CNGB3: variants seen among roughly 807,000 people sequenced by gnomAD.
CNGB3 encodes cyclic nucleotide-gated channel beta-3.
Under a neutral mutation model 92.8 loss-of-function variants are expected in CNGB3, and 86 were observed. The observed-to-expected ratio is 0.93, with a 90% CI of 0.78 to 1.11. The LOEUF is 1.11. Ranked by LOEUF, CNGB3 falls within the 50% of genes least tolerant of loss-of-function variation. The probability of loss-of-function intolerance (pLI) is 0.00; values close to 1 mark genes in which losing one functional copy is unlikely to be tolerated. For synonymous variants in CNGB3, 333 were observed against 332.7 expected, an observed-to-expected ratio of 1.00 and a Z score of -0.01; for missense variants, 1,026 against 956.8, an observed-to-expected ratio of 1.07 and a Z score of -0.95.
intron 3 of CNGB3, among the ~76,000 whole-genome samples, chr8:86,698,515 C>G (rs1824491716): frequency 6.6e-6 from 1 of 152,200 alleles, no homozygotes; most frequent in African/African-American, 2.4e-5. Context: ...TCGCTAGCAC[C>G]TCTCCACATG....
intron 13 of CNGB3, among the ~76,000 whole-genome samples, chr8:86,616,112 C>T (rs1005083455): frequency 1.3e-5 from 2 of 152,162 alleles, no homozygotes; most frequent in African/African-American, 4.8e-5. Flanking sequence ...GGAATACACA[C>T]AAGCACTTAC....
intron 10 of CNGB3, 58 bp downstream of exon 10, chr8:86,643,693 C>T: frequency 1.3e-6 from 2 of 1,565,976 alleles, no homozygotes; most frequent in Non-Finnish European, 1.7e-6. Context: ...TAAATTCATA[C>T]AATGAAACAG....
chr8:86,674,570 A>G (rs916925158), intron 3 of CNGB3, among the ~76,000 whole-genome samples: 3 of 152,212 alleles, frequency 2.0e-5, no homozygotes, highest in Non-Finnish European at 4.4e-5. Flanking sequence ...AGAAACATAC[A>G]TCATGAGATA....
chr8:86,731,172 A>T (rs1358496945), intron 2 of CNGB3, among the ~76,000 whole-genome samples: 1 of 152,198 alleles, frequency 6.6e-6, no homozygotes, highest in Non-Finnish European at 1.5e-5. Flanking sequence ...CAAAACAAAC[A>T]CGCAAAACCC....
chr8:86,641,229 C>T (rs1406350284), intron 10 of CNGB3, among the ~76,000 whole-genome samples: 1 of 151,930 alleles, frequency 6.6e-6, no homozygotes, highest in African/African-American at 2.4e-5. Context: ...GGGGAGGAAC[C>T]CTCAATTCTG....
chr8:86,719,002 G>A (rs1310591368), intron 3 of CNGB3, among the ~76,000 whole-genome samples: 1 of 151,854 alleles, frequency 6.6e-6, no homozygotes, highest in Non-Finnish European at 1.5e-5. Context: ...AGAAAAACTG[G>A]CATAGAAGGT....
intron 3 of CNGB3, among the ~76,000 whole-genome samples, chr8:86,683,585 T>C (rs900924957): frequency 6.6e-6 from 1 of 152,172 alleles, no homozygotes; most frequent in African/African-American, 2.4e-5. Context: ...TTTTAAGGAA[T>C]TATATTTTCA....
chr8:86,675,084 G>A (rs1586009198), intron 3 of CNGB3, among the ~76,000 whole-genome samples: 1 of 151,850 alleles, frequency 6.6e-6, no homozygotes, highest in Non-Finnish European at 1.5e-5. Context: ...TCAGCCTCCC[G>A]AGTAGCTGGG....
intron 6 of CNGB3, chr8:86,661,047 G>A: frequency 4.3e-6 from 1 of 232,308 alleles, no homozygotes; most frequent in Admixed American, 5.2e-5. Flanking sequence ...GTTTTTTTGT[G>A]TTTTGTGTTT....
At position 86,575,866 on chromosome 8, in the gene CNGB3, G is replaced by T. The variant is rs778384043; in HGVS notation, c.2368C>A (p.Pro790Thr). The change falls in exon 18 of 18, where the codon CCT becomes ACT. Residue 790 changes from proline to threonine, a missense_variant. Physicochemically the swap from Pro to Thr is conservative, Grantham distance 38 (BLOSUM62 -1). Transcript: ENST00000320005. Reference protein sequence around the residue: ...SRQSLIISMAPSAEGGEEVLT... With the variant: ...SRQSLIISMATSAEGGEEVLT... ...ACCTCTTCTCCGCCCTCAGCAGAAG[G>T]AGCCATGCTGATAATGAGTGATTGA... 11 of 1,613,190 alleles carry T rather than the reference G, an allele frequency of 6.8e-6. No homozygotes were observed. The highest frequency in any genetic ancestry group is 8.5e-6 in the Non-Finnish European group (10 of 1,179,790).
At chr8:86,702,060 G>T (rs1239870008) in intron 3 of CNGB3, among the ~76,000 whole-genome samples, 1 of 152,028 alleles carries the variant, frequency 6.6e-6, no homozygotes, top group African/African-American at 2.4e-5. Flanking sequence ...TATTTTAATG[G>T]TTGTTAATAA....
intron 3 of CNGB3, among the ~76,000 whole-genome samples, chr8:86,719,034 G>A (rs1824915957): frequency 6.6e-6 from 1 of 151,716 alleles, no homozygotes; most frequent in Non-Finnish European, 1.5e-5. Context: ...GGTAATAAAA[G>A]CCATCTATGA....
At chr8:86,678,768 T>G (rs2131625747) in intron 3 of CNGB3, among the ~76,000 whole-genome samples, 1 of 152,292 alleles carries the variant, frequency 6.6e-6, no homozygotes, top group East Asian at 1.9e-4. Flanking sequence ...AAAAAAAATT[T>G]CATAGATTGT....
At chr8:86,734,974 A>C (rs377478414) in intron 2 of CNGB3, among the ~76,000 whole-genome samples, 44 of 151,550 alleles carry the variant, frequency 2.9e-4, no homozygotes, top group African/African-American at 9.9e-4. Context: ...AAATGCCTCA[A>C]CTAAAGAGTT....
chr8:86,647,801 C>A lies in CNGB3; in HGVS notation c.990G>T (p.Lys330Asn). 6.9e-7 allele frequency: 1 copy of A among 1,446,332 alleles called. No individual in the cohort carries two copies. Among genetic ancestry groups the A allele is most frequent in the East Asian group, 2.3e-5 (1 of 43,892 alleles). The allele number at this position is 1,446,332 out of a possible 1,614,324, so 89.6% of individuals were successfully genotyped here. A position where few individuals can be genotyped will look rare whatever the true frequency, so the allele number is the denominator to read the frequency against. Residue 330 changes from lysine (K) to asparagine (N), a missense_variant and splice_region_variant, in exon 8 of 18, where the codon AAG becomes AAT. Physicochemically the swap from Lys to Asn is moderately conservative, Grantham distance 94. Coordinates refer to ENST00000320005, the MANE Select transcript of CNGB3 (RefSeq NM_019098.5). Reference protein sequence around the residue: ...NPMFRANRMLKYTSFFEFNHH... With the variant: ...NPMFRANRMLNYTSFFEFNHH... ...AGACAATTAAATATAGTTATCTTACCTTTAACATCCTATTTGCTCTAAACA... is the reference window on the plus strand; with the variant it reads ...AGACAATTAAATATAGTTATCTTACATTTAACATCCTATTTGCTCTAAACA...
At chr8:86,680,622 C>A (rs1824064333) in intron 3 of CNGB3, among the ~76,000 whole-genome samples, 1 of 152,226 alleles carries the variant, frequency 6.6e-6, no homozygotes, top group South Asian at 2.1e-4. Context: ...ACTAGAGAAG[C>A]AGAGCTGTAT....
At chr8:86,693,904 C>T (rs181137867) in intron 3 of CNGB3, among the ~76,000 whole-genome samples, 10 of 152,182 alleles carry the variant, frequency 6.6e-5, no homozygotes, top group Admixed American at 1.3e-4. Flanking sequence ...CCTTCCCCCC[C>T]TCTCCATTCC....
At position 86,689,382 on chromosome 8, in the gene CNGB3, G is replaced by C. The variant is rs188235508; in HGVS notation, c.339-18284C>G. Among the ~76,000 whole-genome samples the C allele has an allele frequency of 3.2e-3, 490 of 151,590 alleles. 1 individual carries two copies. The highest frequency in any genetic ancestry group is 5.8e-3 in the Non-Finnish European group (391 of 67,838). ...CCAATGCTGAAAGTGGGGTGTTGAG[G>C]TCTCCAGGTATTACTGTATTGGGGC... On this transcript the variant is annotated intron_variant, in intron 3 of 17. Coordinates refer to ENST00000320005, the MANE Select transcript of CNGB3 (RefSeq NM_019098.5).
At chr8:86,666,868 T>C in intron 6 of CNGB3, 57 bp downstream of exon 6, 1 of 1,361,386 alleles carries the variant, frequency 7.3e-7, no homozygotes, top group Admixed American at 1.7e-5. Context: ...TTACTTTTTG[T>C]AGCCCAATTA....
Sources: gnomAD v4.1 joint callset for allele counts (sites outside exome capture counted in the v4.1 genomes callset) on GRCh38, gnomAD v4.1.1 for gene constraint, MANE v1.5 for transcripts, NCBI Gene and HGNC (gene_info 2026-07-23, HGNC 2026-07-21) for gene names.